The following PCDHA3 variants were observed in gnomAD, a reference collection of about 807,000 sequenced individuals.
PCDHA3 encodes protocadherin alpha 3, also known as protocadherin alpha-3.
A neutral mutation model predicts 62.2 loss-of-function variants in PCDHA3; 41 were observed. That is an observed-to-expected ratio of 0.66 (90% CI 0.51 to 0.86). The LOEUF (loss-of-function observed/expected upper bound fraction) is 0.86, where lower values mean the gene tolerates loss of function less well. PCDHA3 is among the 40% of genes least tolerant of loss of function. The pLI is 0.00. For synonymous variants in PCDHA3, 640 were observed against 555.4 expected (o/e 1.15, Z -2.14); for missense variants, 1,304 against 1,241.2 (o/e 1.05, Z -0.76).
chr5:140,907,598 A>G (rs2073483512), intron 1 of PCDHA3, among the ~76,000 whole-genome samples: 1 of 152,198 alleles, frequency 6.6e-6, no homozygotes, highest in Admixed American at 6.5e-5. Context: ...CACCCTGAGG[A>G]ATGGTGCCAT....
chr5:140,843,146 T>C (rs2150353849), intron 1 of PCDHA3: 3 of 1,596,012 alleles, frequency 1.9e-6, no homozygotes, highest in Admixed American at 3.4e-5. Context: ...GTGGCTTTCG[T>C]ATGAGCTGCA....
chr5:140,857,185 A>T (rs782245615), intron 1 of PCDHA3: 1 of 1,598,506 alleles, frequency 6.3e-7, no homozygotes, highest in South Asian at 1.1e-5. Flanking sequence ...ATGATTCAGG[A>T]GCCAACGGAC....
In PCDHA3 at chr5:140,848,642, G is replaced by T. The variant is rs148369101; in HGVS notation, c.2394+45051G>T. On this transcript the variant is annotated intron_variant, in intron 1 of 3. Coordinates refer to ENST00000522353, the MANE Select transcript of PCDHA3 (RefSeq NM_018906.3). ...ACGGCACCTTCGTGGGCCGCATCGC[G>T]CAGGACCTGGGGCTGGAGCTGGCGG... 1.4e-5 allele frequency: 23 copies of T among 1,593,086 alleles called. 1 individual carries two copies. Among genetic ancestry groups the T allele is most frequent in the Admixed American group, 5.1e-5 (3 of 59,214 alleles).
rs1762806602 is a variant in PCDHA3 at position 140,801,890 on chromosome 5, T to C, written c.693T>C (p.Thr231=). 6.2e-7 allele frequency: 1 copy of C among 1,614,178 alleles called. No homozygotes were observed. Among genetic ancestry groups the C allele is most frequent in the African/African-American group, 1.3e-5 (1 of 75,062 alleles). The change falls in exon 1 of 4, where the codon ACT becomes ACC. Residue 231 remains threonine (T), a synonymous_variant. Transcript: ENST00000522353. ...ELTGTTQLKI[T]VLDVNDNAPA... is the part of the protein sequence containing the mutation. The stretch of plus-strand genomic sequence containing the variant: ...CTGGCACGACTCAACTAAAGATCAC[T>C]GTTTTAGATGTAAACGACAACGCCC...
At chr5:140,942,239 T>A (rs1554214876) in intron 1 of PCDHA3, among the ~76,000 whole-genome samples, 1 of 152,156 alleles carries the variant, frequency 6.6e-6, no homozygotes, top group Admixed American at 6.6e-5. Flanking sequence ...AAATAAGATA[T>A]CCATATCATT....
rs1554125155 is a variant in PCDHA3 at position 140,809,341 on chromosome 5, C to A, written c.2394+5750C>A. 4 of 1,613,952 alleles carry A rather than the reference C, an allele frequency of 2.5e-6. No homozygotes were observed. In the Admixed American group the frequency reaches 6.7e-5, roughly 27 times the overall value. Reference sequence around the variant, plus strand: ...TTTTGGTGCTCACGCTGCTGCTGTACACCGCGCTGCGGTGCTCTGCGCTGC... The same window carrying A: ...TTTTGGTGCTCACGCTGCTGCTGTAAACCGCGCTGCGGTGCTCTGCGCTGC... On this transcript the variant is annotated intron_variant, in intron 1 of 3. Transcript: ENST00000522353.
At chr5:140,882,920 G>C (rs2059362328) in intron 1 of PCDHA3, 1 of 1,614,090 alleles carries the variant, frequency 6.2e-7, no homozygotes. Flanking sequence ...CAGTGATGGA[G>C]GTAAACCCGA....
At chr5:140,916,929 G>A (rs2077785456) in intron 1 of PCDHA3, among the ~76,000 whole-genome samples, 1 of 152,214 alleles carries the variant, frequency 6.6e-6, no homozygotes, top group African/African-American at 2.4e-5. Context: ...GAGCACTTAA[G>A]CATATAGTGG....
intron 1 of PCDHA3, chr5:140,966,538 C>G: frequency 2.2e-6 from 1 of 463,262 alleles, no homozygotes; most frequent in Non-Finnish European, 3.7e-6. Flanking sequence ...GGTTGAGCGA[C>G]TCGGAGGCGA....
intron 1 of PCDHA3, chr5:140,848,244 GA>G (rs1299433066): frequency 2.9e-5 from 13 of 449,890 alleles, no homozygotes; most frequent in Non-Finnish European, 5.1e-5. Context: ...AAGTTTTGCA[GA>G]ATAACTGTGA....
chr5:140,934,209 C>G (rs1554209791), intron 1 of PCDHA3, among the ~76,000 whole-genome samples: 1 of 152,068 alleles, frequency 6.6e-6, no homozygotes, highest in Non-Finnish European at 1.5e-5. Context: ...TTTCCTCACA[C>G]AAAATGTTTA....
At chr5:140,884,035 C>A (rs782637499) in intron 1 of PCDHA3, 1 of 1,613,396 alleles carries the variant, frequency 6.2e-7, no homozygotes, top group South Asian at 1.1e-5. Context: ...GTGCAGGCCA[C>A]GTGGTGGCGA....
At chr5:140,902,051 A>G (rs998360115) in intron 1 of PCDHA3, among the ~76,000 whole-genome samples, 2 of 152,100 alleles carry the variant, frequency 1.3e-5, no homozygotes, top group African/African-American at 4.8e-5. Context: ...TTGATTTTGT[A>G]TCCTGCAACT....
intron 1 of PCDHA3, among the ~76,000 whole-genome samples, chr5:140,953,480 T>C (rs782804804): frequency 2.6e-5 from 4 of 152,194 alleles, no homozygotes; most frequent in Non-Finnish European, 5.9e-5. Flanking sequence ...CCTCATGCTG[T>C]GTCACAACCT....
chr5:140,824,632 TA>T lies in PCDHA3; in HGVS notation c.2394+21042del, dbSNP rs1368126931. 1,053 of 118,568 alleles carry T rather than the reference TA, an allele frequency of 8.9e-3. 203 individuals carry two copies. The highest frequency in any genetic ancestry group is 0.034 in the African/African-American group (833 of 24,828). 7.3% of individuals were successfully genotyped at this position (118,568 alleles called of 1,614,324 possible). A position where few individuals can be genotyped will look rare whatever the true frequency, so the allele number is the denominator to read the frequency against. ...AAAGTTTTTTTTTTTTTTTTTTTTT[TA>T]TTTTCTGTAGAGATAGGGGTCTTGC... On this transcript the variant is annotated intron_variant, in intron 1 of 3. Transcript: ENST00000522353.
intron 1 of PCDHA3, among the ~76,000 whole-genome samples, chr5:140,806,044 G>T (rs1241673767): frequency 6.6e-6 from 1 of 152,094 alleles, no homozygotes; most frequent in Non-Finnish European, 1.5e-5. Flanking sequence ...TGTAATAAAT[G>T]GCCCACGCGA....
chr5:140,929,522 T>G, intron 1 of PCDHA3: 1 of 727,900 alleles, frequency 1.4e-6, no homozygotes. Context: ...GACTTATAGT[T>G]TATTTTTGAG....
At position 140,881,347 on chromosome 5, in the gene PCDHA3, C is replaced by A; in HGVS notation, c.2394+77756C>A. 3 of 985,212 alleles carry A rather than the reference C, an allele frequency of 3.0e-6. No homozygotes were observed. In the African/African-American group the frequency reaches 5.2e-5, roughly 17 times the overall value. 61.0% of individuals were successfully genotyped at this position (985,212 alleles called of 1,614,324 possible). ...TTAACCAGGACGCCGATTCGGGCTA[C>A]AATGCGTGGCTTTCGTATGAATTGC... On this transcript the variant is annotated intron_variant, in intron 1 of 3. Transcript: ENST00000522353.
chr5:140,820,690 A>G (rs2150107620), intron 1 of PCDHA3, among the ~76,000 whole-genome samples: 111 of 152,212 alleles, frequency 7.3e-4, no homozygotes, highest in Admixed American at 2.2e-3. Context: ...TAATAAAATG[A>G]TATTCTTTTC....
Sources: gnomAD v4.1 joint callset for allele counts (sites outside exome capture counted in the v4.1 genomes callset) on GRCh38, gnomAD v4.1.1 for gene constraint, MANE v1.5 for transcripts, NCBI Gene and HGNC (gene_info 2026-07-23, HGNC 2026-07-21) for gene names.